Variants in PCDHGB3 observed in about 807,000 individuals in gnomAD.
PCDHGB3 encodes the protein protocadherin gamma-B3.
PCDHGB3 carries 40 observed loss-of-function variants against 59.2 expected under a neutral mutation model. The ratio of observed to expected loss-of-function variants is 0.68; its 90% CI spans 0.52 to 0.88. PCDHGB3 has a LOEUF of 0.88. PCDHGB3 is among the 40% of genes least tolerant of loss of function. PCDHGB3 has a pLI of 0.00. For synonymous variants in PCDHGB3, 581 were observed against 503.6 expected, an observed-to-expected ratio of 1.15 and a Z score of -2.06; for missense variants, 1,309 against 1,187.9, an observed-to-expected ratio of 1.10 and a Z score of -1.50.
intron 1 of PCDHGB3, chr5:141,424,475 T>C (rs1399874639): frequency 2.6e-5 from 4 of 152,234 alleles, no homozygotes; most frequent in Admixed American, 2.0e-4. Context: ...ATTCTTTTAC[T>C]TTGGTGTCTG....
chr5:141,511,359 T>C lies in PCDHGB3; in HGVS notation c.*186T>C. The stretch of plus-strand genomic sequence containing the variant: ...CACCTACCCCTTCCCCCCCAGGGGG[T>C]TGAATATGCAAAAGCAGTTCCGCTG... On this transcript the variant is annotated 3_prime_UTR_variant, in exon 4 of 4. Coordinates refer to ENST00000576222, the MANE Select transcript of PCDHGB3 (RefSeq NM_018924.5). The C allele has an allele frequency of 2.2e-6, 3 of 1,339,338 alleles. No homozygotes were observed. In the South Asian group the frequency reaches 4.6e-5, roughly 20 times the overall value. The allele number at this position is 1,339,338 out of a possible 1,614,324, so 83.0% of individuals were successfully genotyped here. A position where few individuals can be genotyped will look rare whatever the true frequency, so the allele number is the denominator to read the frequency against.
intron 1 of PCDHGB3, chr5:141,423,627 C>T (rs925883716): frequency 6.2e-7 from 1 of 1,604,886 alleles, no homozygotes; most frequent in African/African-American, 1.3e-5. Context: ...ACTCAGCTAT[C>T]ATTTTAGGCA....
chr5:141,415,765 T>G (rs1386091482), intron 1 of PCDHGB3: 1 of 1,364,078 alleles, frequency 7.3e-7, no homozygotes, highest in South Asian at 1.7e-5. Flanking sequence ...TTTTTTTTTT[T>G]TTTTTTTACT....
intron 1 of PCDHGB3, chr5:141,414,391 T>TG (rs1367379916): frequency 6.2e-7 from 1 of 1,613,862 alleles, no homozygotes; most frequent in South Asian, 1.1e-5. Flanking sequence ...TGACAGTTAT[T>TG]ACAGATTGGT....
At chr5:141,419,694 G>A in intron 1 of PCDHGB3, 1 of 1,612,974 alleles carries the variant, frequency 6.2e-7, no homozygotes, top group Non-Finnish European at 8.5e-7. Context: ...GTGCAGGCCA[G>A]TGAGCCCGGG....
intron 1 of PCDHGB3, among the ~76,000 whole-genome samples, chr5:141,444,862 A>G (rs781224880): frequency 1.8e-4 from 28 of 152,198 alleles, no homozygotes; most frequent in Non-Finnish European, 2.9e-4. Flanking sequence ...AAGTCTTACT[A>G]CAGGACAAAG....
At chr5:141,404,043 C>T (rs781644500) in intron 1 of PCDHGB3, 1 of 1,613,844 alleles carries the variant, frequency 6.2e-7, no homozygotes, top group East Asian at 2.2e-5. Context: ...CCTCAGGGAA[C>T]AGTAATTCTT....
At position 141,420,439 on chromosome 5, in the gene PCDHGB3, C is replaced by T. The variant is rs2096496531; in HGVS notation, c.2415+47630C>T. ...TTAAAACAAAAGTTTAAATTAAATGCCTCAGTCTTCCTACTATTCAAAGAC... is the reference window on the plus strand; with the variant it reads ...TTAAAACAAAAGTTTAAATTAAATGTCTCAGTCTTCCTACTATTCAAAGAC... On this transcript the variant is annotated intron_variant, in intron 1 of 3. Coordinates refer to ENST00000576222, the MANE Select transcript of PCDHGB3 (RefSeq NM_018924.5). 10 of 1,073,160 alleles carry T rather than the reference C, an allele frequency of 9.3e-6. No individual in the cohort carries two copies. In the South Asian group the frequency reaches 2.0e-4, roughly 22 times the overall value. The allele number at this position is 1,073,160 out of a possible 1,614,324, so 66.5% of individuals were successfully genotyped here.
chr5:141,481,362 A>G (rs2099536613), intron 1 of PCDHGB3, among the ~76,000 whole-genome samples: 1 of 152,252 alleles, frequency 6.6e-6, no homozygotes, highest in African/African-American at 2.4e-5. Context: ...CAGCTGTTCA[A>G]TAGATATTGG....
Position 141,450,950 on chromosome 5 carries a change from A to G in PCDHGB3, c.2416-43857A>G, listed in dbSNP as rs1176916120. ...AGCAATTCTCCTACCTCAGCCTCCCAAGTAGCTGGGATTACAGGCATGTGC... is the reference window on the plus strand; with the variant it reads ...AGCAATTCTCCTACCTCAGCCTCCCGAGTAGCTGGGATTACAGGCATGTGC... On this transcript the variant is annotated intron_variant, in intron 1 of 3. Coordinates refer to ENST00000576222, the MANE Select transcript of PCDHGB3 (RefSeq NM_018924.5). Among the ~76,000 whole-genome samples, 9 of 150,714 alleles carry G rather than the reference A, an allele frequency of 6.0e-5. No individual in the cohort carries two copies. In the East Asian group the frequency reaches 1.6e-3, roughly 26 times the overall value.
In PCDHGB3 at chr5:141,486,805, C is replaced by A; in HGVS notation, c.2416-8002C>A. On this transcript the variant is annotated intron_variant, in intron 1 of 3. Transcript: ENST00000576222. The surrounding 1 kb of genome is among the most constrained non-coding windows in gnomAD (Gnocchi z 5.0). ...AGGCCCGGGATCGGGGCAACCCACC[C>A]CTTAGCAGCACTGTAACAGTTCGTC... 1.2e-6 allele frequency: 2 copies of A among 1,614,242 alleles called. No homozygotes were observed. Among genetic ancestry groups the A allele is most frequent in the Admixed American group, 1.7e-5 (1 of 60,034 alleles).
intron 1 of PCDHGB3, chr5:141,427,298 G>C (rs960474831): frequency 4.4e-6 from 2 of 456,752 alleles, no homozygotes; most frequent in East Asian, 1.4e-4. Context: ...TCCTAGATGA[G>C]AATGACAATG....
In PCDHGB3 at chr5:141,476,432, G is replaced by A. The variant is rs139089802; in HGVS notation, c.2416-18375G>A. 15 of 1,614,116 alleles carry A rather than the reference G, an allele frequency of 9.3e-6. No individual in the cohort carries two copies. The East Asian group carries it at 3.3e-4, about 36-fold the overall frequency. Reference sequence around the variant, plus strand: ...GTGTGGGACACTGCCCTCTTGCACTGTAACTCTGGAGTTGGTAGTGGAGAA... The same window carrying A: ...GTGTGGGACACTGCCCTCTTGCACTATAACTCTGGAGTTGGTAGTGGAGAA... On this transcript the variant is annotated intron_variant, in intron 1 of 3. Coordinates refer to ENST00000576222, the MANE Select transcript of PCDHGB3 (RefSeq NM_018924.5). The surrounding 1 kb of genome is among the most constrained non-coding windows in gnomAD (Gnocchi z 7.6).
intron 1 of PCDHGB3, among the ~76,000 whole-genome samples, chr5:141,438,587 CATACATATATATATATATATATATATAT>C (rs1267620600): frequency 1.4e-5 from 1 of 73,428 alleles, no homozygotes; most frequent in Non-Finnish European, 2.6e-5. Context: ...TACATACATA[CATACATATATATATATATATATATATAT>C]ATATATATAT....
At chr5:141,375,777 C>T in intron 1 of PCDHGB3, 1 of 1,614,250 alleles carries the variant, frequency 6.2e-7, no homozygotes, top group African/African-American at 1.3e-5. Flanking sequence ...ATCCTGTACC[C>T]CGCCCTCCCC....
chr5:141,510,847 AG>A, intron 3 of PCDHGB3, 99 bp from the exon 4 acceptor site: 3 of 1,595,350 alleles, frequency 1.9e-6, no homozygotes, highest in Non-Finnish European at 2.6e-6. Context: ...GTCAAGGCCC[AG>A]GGTGCTGTAT....
At chr5:141,375,014 G>C in intron 1 of PCDHGB3, 1 of 1,614,004 alleles carries the variant, frequency 6.2e-7, no homozygotes, top group Non-Finnish European at 8.5e-7. Flanking sequence ...AGACTATGAG[G>C]ACTCGAGTTT....
Position 141,490,820 on chromosome 5 carries a change from T to G in PCDHGB3, c.2416-3987T>G. On this transcript the variant is annotated intron_variant, in intron 1 of 3. Transcript: ENST00000576222. The surrounding 1 kb of genome is among the most constrained non-coding windows in gnomAD (Gnocchi z 5.4). ...CAGCGTACCTTTGACTATGAATTGC[T>G]GCAGATGCTGCAGATTGTGGTGGGG... 6.2e-7 allele frequency: 1 copy of G among 1,613,820 alleles called. No homozygotes were observed. Among genetic ancestry groups the G allele is most frequent in the Non-Finnish European group, 8.5e-7 (1 of 1,179,768 alleles).
chr5:141,415,754 T>TTTTG, intron 1 of PCDHGB3: 1 of 1,385,736 alleles, frequency 7.2e-7, no homozygotes, highest in Non-Finnish European at 9.3e-7. Flanking sequence ...TTTTTTTTTT[T>TTTTG]TTTTTTTTTT....
Sources: gnomAD v4.1 joint callset for allele counts (sites outside exome capture counted in the v4.1 genomes callset) on GRCh38, gnomAD v4.1.1 for gene constraint, Gnocchi (gnomAD v3.1) non-coding constraint, MANE v1.5 for transcripts, NCBI Gene and HGNC (gene_info 2026-07-23, HGNC 2026-07-21) for gene names.